Variants in LINC00632 observed in about 807,000 individuals in gnomAD.
The protein encoded by LINC00632 is ALDOA related specific transcript.
At chrX:140,787,705 T>C (rs751707534) in exon 5 of LINC00632, among the ~76,000 whole-genome samples, 1 of 111,555 alleles carries the variant, frequency 9.0e-6, no homozygotes, top group Non-Finnish European at 1.9e-5. Flanking sequence ...TCTAATGGAA[T>C]ACTGTGTGGT....
exon 5 of LINC00632, chrX:140,782,407 A>G (rs1931946659): frequency 9.0e-6 from 1 of 111,489 alleles, no homozygotes; most frequent in Non-Finnish European, 1.9e-5. Flanking sequence ...AGCATCTCCA[A>G]TGCCCTTGTT....
intron 3 of LINC00632, among the ~76,000 whole-genome samples, chrX:140,748,694 A>T (rs1277931697): frequency 9.1e-6 from 1 of 109,767 alleles, no homozygotes; most frequent in African/African-American, 3.3e-5. Flanking sequence ...AAATGGGAAG[A>T]ACAACAATAT....
At chrX:140,776,404 C>T (rs1314991946) in exon 5 of LINC00632, among the ~76,000 whole-genome samples, 1 of 112,768 alleles carries the variant, frequency 8.9e-6, no homozygotes, top group African/African-American at 3.2e-5. Context: ...TTCCTCGTTG[C>T]CATCTATTGA....
At chrX:140,746,039 A>G (rs937120448) in intron 3 of LINC00632, among the ~76,000 whole-genome samples, 2 of 112,082 alleles carry the variant, frequency 1.8e-5, no homozygotes, top group Admixed American at 1.9e-4. Flanking sequence ...AAAATATAGC[A>G]TTCTAATTTT....
intron 3 of LINC00632, among the ~76,000 whole-genome samples, chrX:140,748,705 T>C (rs780328250): frequency 9.2e-6 from 1 of 109,208 alleles, no homozygotes; most frequent in South Asian, 3.9e-4. Context: ...ACAACAATAT[T>C]TGCTGTGGCT....
chrX:140,750,142 C>T (rs1268109983), intron 3 of LINC00632, among the ~76,000 whole-genome samples: 1 of 111,050 alleles, frequency 9.0e-6, no homozygotes, highest in Non-Finnish European at 1.9e-5. Flanking sequence ...ACCTGGAGAA[C>T]ATTATGTTAA....
intron 3 of LINC00632, among the ~76,000 whole-genome samples, chrX:140,740,759 T>C (rs933981840): frequency 9.0e-5 from 10 of 111,494 alleles, no homozygotes; most frequent in African/African-American, 3.3e-4. Context: ...AAATTCTTAA[T>C]AATTTTTGAA....
chrX:140,724,536 A>ATTCCATACACACACACAC, intron 2 of LINC00632, among the ~76,000 whole-genome samples: 1 of 109,929 alleles, frequency 9.1e-6, no homozygotes, highest in Non-Finnish European at 1.9e-5. Flanking sequence ...CCACACACAC[A>ATTCCATACACACACACAC]TTCCATACAC....
intron 3 of LINC00632, among the ~76,000 whole-genome samples, chrX:140,769,481 C>G (rs111939648): frequency 0.015 from 1,668 of 109,467 alleles, 39 homozygotes; most frequent in African/African-American, 0.053. Flanking sequence ...CCACCCCACC[C>G]CCCCCATGAA....
At chrX:140,774,064 A>G (rs184377644) in exon 4 of LINC00632, among the ~76,000 whole-genome samples, 8 of 112,467 alleles carry the variant, frequency 7.1e-5, no homozygotes, top group African/African-American at 2.6e-4. Flanking sequence ...TCTGCAAACC[A>G]TTTGAATAGT....
chrX:140,711,972 ATT>A (rs34437075), intron 2 of LINC00632: 1 of 111,441 alleles, frequency 9.0e-6, no homozygotes, highest in East Asian at 2.8e-4. Flanking sequence ...GTAGGATTTA[ATT>A]TTTTTTCCCC....
At chrX:140,720,072 G>A (rs1334198711) in intron 2 of LINC00632, among the ~76,000 whole-genome samples, 22 of 101,557 alleles carry the variant, frequency 2.2e-4, no homozygotes, top group African/African-American at 6.6e-4. Context: ...GGGCGACAGA[G>A]CAAGACTCCG....
chrX:140,753,202 A>G (rs747625753), intron 3 of LINC00632, among the ~76,000 whole-genome samples: 1 of 111,982 alleles, frequency 8.9e-6, no homozygotes, highest in Non-Finnish European at 1.9e-5. Flanking sequence ...TAGTGAGAGC[A>G]GACTAAGATT....
intron 3 of LINC00632, among the ~76,000 whole-genome samples, chrX:140,748,426 A>G (rs1931360794): frequency 9.0e-6 from 1 of 111,716 alleles, no homozygotes; most frequent in African/African-American, 3.2e-5. Context: ...TGAACACTTG[A>G]TCTGAGAGTG....
chrX:140,753,768 C>CTTTTTTTTTTTTTTTTTTTTTTTTT (rs752596283), intron 3 of LINC00632, among the ~76,000 whole-genome samples: 4 of 49,733 alleles, frequency 8.0e-5, no homozygotes, highest in African/African-American at 3.9e-4. Flanking sequence ...TTCTTTCTTT[C>CTTTTTTTTTTTTTTTTTTTTTTTTT]TTTTTTTTTT....
chrX:140,713,744 T>A (rs960827936), intron 2 of LINC00632: 2 of 338,609 alleles, frequency 5.9e-6, no homozygotes, highest in African/African-American at 5.4e-5. Flanking sequence ...CCAATCCCCG[T>A]ATCATTAGAC....
chrX:140,759,289 T>C (rs182853784), intron 3 of LINC00632, among the ~76,000 whole-genome samples: 14 of 79,603 alleles, frequency 1.8e-4, no homozygotes, highest in East Asian at 8.5e-4. Context: ...TCTTTCTTTC[T>C]TTCCTTCCTT....
At chrX:140,727,508 G>A (rs766515166) in intron 2 of LINC00632, among the ~76,000 whole-genome samples, 54 of 111,246 alleles carry the variant, frequency 4.9e-4, no homozygotes, top group African/African-American at 1.7e-3. Flanking sequence ...GGCCAGGCTG[G>A]TCTGGAACTC....
exon 5 of LINC00632, among the ~76,000 whole-genome samples, chrX:140,788,911 ATATGTGTG>A (rs1457339034): frequency 4.9e-5 from 1 of 20,463 alleles, no homozygotes; most frequent in Non-Finnish European, 7.0e-5. Flanking sequence ...GTATATATAT[ATATGTGTG>A]TGTGTGTGTG....
Sources: gnomAD v4.1 joint callset for allele counts (sites outside exome capture counted in the v4.1 genomes callset) on GRCh38, gnomAD v4.1.1 for gene constraint, MANE v1.5 for transcripts, NCBI Gene and HGNC (gene_info 2026-07-23, HGNC 2026-07-21) for gene names.